NEBL: variants seen among roughly 807,000 people sequenced by gnomAD.
NEBL encodes nebulette.
Under a neutral mutation model 140.2 loss-of-function variants are expected in NEBL, and 122 were observed. The ratio of observed to expected loss-of-function variants is 0.87; its 90% CI spans 0.75 to 1.01. The LOEUF (loss-of-function observed/expected upper bound fraction) is 1.01, where lower values mean the gene tolerates loss of function less well. Among genes scored for constraint, NEBL ranks in the 50% least tolerant of loss-of-function variants. NEBL has a pLI of 0.00. For missense variants in NEBL, 1,365 were observed against 1,231.3 expected (o/e 1.11, Z -1.62); for synonymous variants, 436 against 398.9 (o/e 1.09, Z -1.11).
chr10:20,941,130 C>T (rs192837018), intron 4 of NEBL, among the ~76,000 whole-genome samples: 1 of 151,892 alleles, frequency 6.6e-6, no homozygotes, highest in African/African-American at 2.4e-5. Flanking sequence ...AGAGACACAA[C>T]AAAAAAAGGG....
intron 2 of NEBL, among the ~76,000 whole-genome samples, chr10:21,027,233 C>T (rs1171485923): frequency 6.6e-6 from 1 of 151,892 alleles, no homozygotes; most frequent in South Asian, 2.1e-4. Flanking sequence ...CCAGCACAGG[C>T]CCCTTTGTGC....
chr10:21,255,826 T>C (rs1387931771), intron 1 of NEBL, among the ~76,000 whole-genome samples: 1 of 151,754 alleles, frequency 6.6e-6, no homozygotes, highest in Non-Finnish European at 1.5e-5. Context: ...TGAAACCCCA[T>C]CTCTACTAAA....
intron 2 of NEBL, among the ~76,000 whole-genome samples, chr10:21,118,778 C>A (rs375530888): frequency 1.2e-4 from 18 of 152,244 alleles, no homozygotes; most frequent in African/African-American, 4.3e-4. Flanking sequence ...GATTAAGTTT[C>A]TCTTTCCTAT....
chr10:20,801,978 C>G (rs959675413), intron 26 of NEBL, among the ~76,000 whole-genome samples: 1 of 152,152 alleles, frequency 6.6e-6, no homozygotes, highest in South Asian at 2.1e-4. Context: ...GGTTGGAAAG[C>G]TGAAAATATT....
intron 3 of NEBL, among the ~76,000 whole-genome samples, chr10:21,187,123 A>G (rs949309482): frequency 6.6e-6 from 1 of 152,002 alleles, no homozygotes; most frequent in Non-Finnish European, 1.5e-5. Flanking sequence ...ACCTATGTAT[A>G]TATACATACA....
chr10:21,098,412 G>A (rs1234961537), intron 2 of NEBL, among the ~76,000 whole-genome samples: 1 of 152,130 alleles, frequency 6.6e-6, no homozygotes, highest in East Asian at 1.9e-4. Context: ...TCATTGAATT[G>A]AAATATGGTA....
chr10:21,057,147 G>A (rs1410754501), intron 2 of NEBL, among the ~76,000 whole-genome samples: 1 of 152,106 alleles, frequency 6.6e-6, no homozygotes, highest in East Asian at 1.9e-4. Flanking sequence ...CTATGTCCCA[G>A]ATCTTATGCC....
rs1835503793 is a variant in NEBL, at chr10:20,787,306, G to C, written c.2764C>G (p.Pro922Ala). Residue 922 changes from proline to alanine, a missense_variant and splice_region_variant, in exon 27 of 28, where the codon CCT becomes GCT. By Grantham distance (27) the Pro-to-Ala change is conservative. Transcript: ENST00000377122. Reference protein sequence around the residue: ...EVTRPSDEGAPVLPGAYQQSH... With the variant: ...EVTRPSDEGAAVLPGAYQQSH... ...TGCTGATAGGCTCCGGGAAGAACAG[G>C]TGCTGCATGTTAAACATACACACAC... 1 of 1,610,444 alleles carries C rather than the reference G, an allele frequency of 6.2e-7. No homozygotes were observed. Among genetic ancestry groups the C allele is most frequent in the Non-Finnish European group, 8.5e-7 (1 of 1,177,502 alleles).
At chr10:20,884,698 A>G (rs1846323462) in intron 4 of NEBL, among the ~76,000 whole-genome samples, 1 of 152,218 alleles carries the variant, frequency 6.6e-6, no homozygotes, top group African/African-American at 2.4e-5. Flanking sequence ...GACTTCTGAA[A>G]CAGAATCCTG....
At position 21,206,178 on chromosome 10, in the gene NEBL, T is replaced by G. The variant is rs576481459; in HGVS notation, n.349-33701A>C. On this transcript the variant is annotated intron_variant and non_coding_transcript_variant, in intron 3 of 8. Coordinates refer to the NEBL transcript ENST00000675702. Reference sequence around the variant, plus strand: ...ATTATATAAAATATTAGTAACGCAATGCATCTTGCTAATATCCTAATCGCT... The same window carrying G: ...ATTATATAAAATATTAGTAACGCAAGGCATCTTGCTAATATCCTAATCGCT... Among the ~76,000 whole-genome samples, 20 of 152,324 alleles carry G rather than the reference T, an allele frequency of 1.3e-4. No individual in the cohort carries two copies. In the South Asian group the frequency reaches 3.9e-3, roughly 30 times the overall value.
chr10:20,896,002 G>C (rs1006287667), intron 2 of NEBL, among the ~76,000 whole-genome samples: 2 of 152,180 alleles, frequency 1.3e-5, no homozygotes, highest in Non-Finnish European at 2.9e-5. Flanking sequence ...AACCCAGGCA[G>C]GTTGACTTTG....
At chr10:21,046,389 A>T (rs1431593733) in intron 2 of NEBL, among the ~76,000 whole-genome samples, 1 of 152,214 alleles carries the variant, frequency 6.6e-6, no homozygotes, top group Non-Finnish European at 1.5e-5. Flanking sequence ...TATACGAGGT[A>T]ATACATATGT....
chr10:20,829,715 C>G (rs1840223075), intron 16 of NEBL, among the ~76,000 whole-genome samples: 1 of 152,058 alleles, frequency 6.6e-6, no homozygotes, highest in Admixed American at 6.6e-5. Flanking sequence ...GATATATTCT[C>G]ACACCACACT....
intron 26 of NEBL, among the ~76,000 whole-genome samples, chr10:20,795,900 C>T (rs1430471088): frequency 6.6e-6 from 1 of 151,980 alleles, no homozygotes; most frequent in Admixed American, 6.6e-5. Flanking sequence ...ATTTTCTTCC[C>T]CAAATATAAA....
chr10:21,124,053 C>T (rs182817304), intron 2 of NEBL, among the ~76,000 whole-genome samples: 1 of 152,038 alleles, frequency 6.6e-6, no homozygotes, highest in East Asian at 1.9e-4. Flanking sequence ...ACTGAAATAC[C>T]TCTTGGTATT....
intron 3 of NEBL, among the ~76,000 whole-genome samples, chr10:21,235,724 TA>T (rs1321947401): frequency 2.0e-5 from 3 of 152,192 alleles, no homozygotes; most frequent in Non-Finnish European, 4.4e-5. Flanking sequence ...GAATAGCAAA[TA>T]AAAACTTGAT....
chr10:21,232,432 T>C (rs1842278556), intron 3 of NEBL, among the ~76,000 whole-genome samples: 1 of 152,220 alleles, frequency 6.6e-6, no homozygotes, highest in East Asian at 1.9e-4. Context: ...ATTTCTGTTA[T>C]TATTACATTG....
intron 26 of NEBL, among the ~76,000 whole-genome samples, chr10:20,789,322 C>T (rs893190130): frequency 6.6e-6 from 1 of 152,126 alleles, no homozygotes; most frequent in Non-Finnish European, 1.5e-5. Flanking sequence ...ATTGTTACAC[C>T]ATTTAACTGT....
intron 1 of NEBL, among the ~76,000 whole-genome samples, chr10:21,253,521 G>T (rs115064611): frequency 6.7e-6 from 1 of 149,516 alleles, no homozygotes. Context: ...GTGGGAAAAC[G>T]TCATTACTTT....
Sources: allele counts gnomAD v4.1 joint callset (sites outside exome capture counted in the v4.1 genomes callset), GRCh38; gene constraint gnomAD v4.1.1; transcripts MANE v1.5; gene names NCBI Gene and HGNC (gene_info 2026-07-23, HGNC 2026-07-21).